The following LTBP2 variants were observed in gnomAD, a reference collection of about 807,000 sequenced individuals.
LTBP2 encodes latent transforming growth factor beta binding protein 2.
In LTBP2, 103 loss-of-function variants were observed where a neutral mutation model predicts 210.6. That is an observed-to-expected ratio of 0.49 (90% confidence interval 0.42 to 0.58). The LOEUF (loss-of-function observed/expected upper bound fraction) is 0.58. Among genes scored for constraint, LTBP2 ranks in the 20% least tolerant of loss-of-function variants. LTBP2 has a pLI of 0.00. For synonymous variants in LTBP2, 1,007 were observed against 1,015.0 expected (o/e 0.99, Z 0.15); for missense variants, 2,313 against 2,494.5 (o/e 0.93, Z 1.55).
chr14:74,611,578 T>C lies in LTBP2; in HGVS notation c.367A>G (p.Arg123Gly). ...RRVQPPAQTR[R>G]STPLGQQQPA... ...TGCTGCTGGCCCAGGGGAGTGCTTCTCCGGGTCTGCGCAGGTGGCTGGACA... is the reference window on the plus strand; with the variant it reads ...TGCTGCTGGCCCAGGGGAGTGCTTCCCCGGGTCTGCGCAGGTGGCTGGACA... The change falls in exon 1 of 36, where the codon AGA becomes GGA. Residue 123 changes from arginine to glycine, a missense_variant. Physicochemically the swap from Arg to Gly is moderately radical, Grantham distance 125. Transcript: ENST00000261978. 6.3e-7 allele frequency: 1 copy of C among 1,576,972 alleles called. No individual in the cohort carries two copies. The highest frequency in any genetic ancestry group is 8.6e-7 in the Non-Finnish European group (1 of 1,168,284).
chr14:74,571,809 G>A (rs1359066396), intron 3 of LTBP2, among the ~76,000 whole-genome samples: 13 of 152,226 alleles, frequency 8.5e-5, no homozygotes, highest in Admixed American at 8.5e-4. Flanking sequence ...GGAAAATGCA[G>A]CGTAGGCGAC....
chr14:74,499,523 T>C lies in LTBP2; in HGVS notation c.*1361A>G, dbSNP rs943660469. The C allele has an allele frequency of 4.8e-5, 11 of 229,030 alleles. No individual in the cohort carries two copies. The highest frequency in any genetic ancestry group is 2.2e-4 in the African/African-American group (10 of 45,114). The allele number at this position is 229,030 out of a possible 1,614,324, so 14.2% of individuals were successfully genotyped here. A position where few individuals can be genotyped will look rare whatever the true frequency, so the allele number is the denominator to read the frequency against. On this transcript the variant is annotated 3_prime_UTR_variant, in exon 36 of 36. Transcript: ENST00000261978. Reference sequence around the variant, plus strand: ...ATTAAATTAAGAAAGTAGCATTCACTTCCATGCTCCAGTCACATGGAGCCT... The same window carrying C: ...ATTAAATTAAGAAAGTAGCATTCACCTCCATGCTCCAGTCACATGGAGCCT...
chr14:74,568,407 C>T (rs2087931837), intron 3 of LTBP2, among the ~76,000 whole-genome samples: 1 of 152,026 alleles, frequency 6.6e-6, no homozygotes, highest in Non-Finnish European at 1.5e-5. Context: ...CTGGGGAATG[C>T]TTTCCAGAGG....
chr14:74,509,160 C>A, intron 22 of LTBP2, 78 bp downstream of exon 22: 1 of 1,605,872 alleles, frequency 6.2e-7, no homozygotes, highest in Non-Finnish European at 8.5e-7. Context: ...CTCAGCAGCC[C>A]CCCACCTGCT....
intron 3 of LTBP2, among the ~76,000 whole-genome samples, chr14:74,567,169 C>T (rs2087914618): frequency 1.3e-5 from 2 of 152,162 alleles, no homozygotes; most frequent in Non-Finnish European, 2.9e-5. Flanking sequence ...TGCCTGCAGC[C>T]CGGTCCCCCC....
chr14:74,574,328 A>G (rs2088026688), intron 3 of LTBP2, among the ~76,000 whole-genome samples: 1 of 152,166 alleles, frequency 6.6e-6, no homozygotes. Context: ...AATTCTAAGC[A>G]CACCACTAAG....
At position 74,500,703 on chromosome 14, in the gene LTBP2, A is replaced by T; in HGVS notation, c.*181T>A. The T allele has an allele frequency of 1.6e-5, 12 of 759,528 alleles. No homozygotes were observed. Among genetic ancestry groups the T allele is most frequent in the Non-Finnish European group, 2.2e-5 (10 of 448,448 alleles). 47.0% of individuals were successfully genotyped at this position (759,528 alleles called of 1,614,324 possible). A position where few individuals can be genotyped will look rare whatever the true frequency, so the allele number is the denominator to read the frequency against. ...GGTGGTGCTTGAGCCAAGCAAGGGCATGGAGGCAATGACCGAAGCTTACAG... is the reference window on the plus strand; with the variant it reads ...GGTGGTGCTTGAGCCAAGCAAGGGCTTGGAGGCAATGACCGAAGCTTACAG... On this transcript the variant is annotated 3_prime_UTR_variant, in exon 36 of 36. Coordinates refer to ENST00000261978, the MANE Select transcript of LTBP2 (RefSeq NM_000428.3).
chr14:74,532,331 G>A (rs1046941187), intron 10 of LTBP2, 95 bp downstream of exon 10: 2 of 1,559,932 alleles, frequency 1.3e-6, no homozygotes, highest in Admixed American at 1.7e-5. Flanking sequence ...GATCAGGTCT[G>A]GGGAAAATTG....
At chr14:74,535,527 C>T (rs2087409697) in intron 9 of LTBP2, among the ~76,000 whole-genome samples, 1 of 152,194 alleles carries the variant, frequency 6.6e-6, no homozygotes, top group Non-Finnish European at 1.5e-5. Context: ...CCCACAGAGG[C>T]CCCAACAACT....
rs558199716 is a variant in LTBP2 at position 74,528,229 on chromosome 14, G to A, written c.2368+254C>T. ...GCCTGATCGCTGGGGTGGGGGCTGC[G>A]GCTGATCTTTCCCACCTCCACAAGC... is the stretch of plus-strand genomic sequence containing the variant. On this transcript the variant is annotated intron_variant, in intron 12 of 35. Coordinates refer to ENST00000261978, the MANE Select transcript of LTBP2 (RefSeq NM_000428.3). 1.3e-3 allele frequency among the ~76,000 whole-genome samples: 196 copies of A among 152,286 alleles called. 1 individual carries two copies. Among genetic ancestry groups the A allele is most frequent in the African/African-American group, 4.4e-3 (182 of 41,568 alleles).
intron 3 of LTBP2, among the ~76,000 whole-genome samples, chr14:74,567,442 C>T (rs982296199): frequency 1.3e-5 from 2 of 152,190 alleles, no homozygotes; most frequent in African/African-American, 2.4e-5. Flanking sequence ...TGGGCTCACA[C>T]CCGGGCCACC....
chr14:74,528,354 C>T (rs2087302132), intron 12 of LTBP2, 129 bp downstream of exon 12: 2 of 1,083,016 alleles, frequency 1.8e-6, no homozygotes, highest in Admixed American at 3.8e-5. Context: ...GCTGCTGCTC[C>T]AAGCTCCCTT....
chr14:74,503,744 G>GA, intron 31 of LTBP2, 138 bp from the exon 32 acceptor site: 3 of 1,301,240 alleles, frequency 2.3e-6, no homozygotes, highest in South Asian at 1.3e-5. Flanking sequence ...CAGCCTGGAA[G>GA]GCCCTCCTGG....
At chr14:74,539,610 G>A (rs2087466454) in intron 8 of LTBP2, among the ~76,000 whole-genome samples, 1 of 152,174 alleles carries the variant, frequency 6.6e-6, no homozygotes, top group Admixed American at 6.5e-5. Flanking sequence ...GGGGGCTGAG[G>A]TAGGAGGATC....
At chr14:74,550,915 G>T in intron 7 of LTBP2, 149 bp downstream of exon 7, 2 of 1,010,148 alleles carry the variant, frequency 2.0e-6, no homozygotes, top group Non-Finnish European at 3.0e-6. Flanking sequence ...ACAATTTCAT[G>T]CCTTGGGTTT....
intron 18 of LTBP2, 36 bp from the exon 19 acceptor site, chr14:74,511,400 G>C: frequency 6.2e-7 from 1 of 1,613,426 alleles, no homozygotes; most frequent in Non-Finnish European, 8.5e-7. Context: ...GTCATCCCTG[G>C]GAACATAGCA....
At chr14:74,525,029 G>C in intron 15 of LTBP2, 95 bp downstream of exon 15, 1 of 607,262 alleles carries the variant, frequency 1.6e-6, no homozygotes, top group Non-Finnish European at 2.6e-6. Flanking sequence ...AGGTGAGGGG[G>C]CATTCCATTC....
At position 74,611,346 on chromosome 14, in the gene LTBP2, G is replaced by A. The variant is rs368137054; in HGVS notation, c.494+105C>T. 9 of 1,277,242 alleles carry A rather than the reference G, an allele frequency of 7.0e-6. No homozygotes were observed. In the African/African-American group the frequency reaches 1.2e-4, roughly 18 times the overall value. 79.1% of individuals were successfully genotyped at this position (1,277,242 alleles called of 1,614,324 possible). A position where few individuals can be genotyped will look rare whatever the true frequency, so the allele number is the denominator to read the frequency against. On this transcript the variant is annotated intron_variant, in intron 1 of 35. Coordinates refer to ENST00000261978, the MANE Select transcript of LTBP2 (RefSeq NM_000428.3). ...TTTCCCGAAGTACTAAAGACAGAGGGACGAGGGTATGAGAGCGGCGCCCTC... is the reference window on the plus strand; with the variant it reads ...TTTCCCGAAGTACTAAAGACAGAGGAACGAGGGTATGAGAGCGGCGCCCTC...
Position 74,500,888 on chromosome 14 carries a change from T to A in LTBP2, c.5462A>T (p.Glu1821Val). 5 of 1,614,046 alleles carry A rather than the reference T, an allele frequency of 3.1e-6. No individual in the cohort carries two copies. The highest frequency in any genetic ancestry group is 4.2e-6 in the Non-Finnish European group (5 of 1,180,014). Residue 1821 changes from glutamate to valine, a missense_variant, in exon 36 of 36, where the codon GAG becomes GTG. This residue lies in a region of LTBP2 where 443 missense variants were observed against 501.4 expected (regional missense o/e 0.88). Transcript: ENST00000261978. Reference protein sequence around the residue: ...EAGPPHCTAKE With the variant: ...EAGPPHCTAKV ...TGCCACACTGACCCCTGACTGCTAC[T>A]CCTTGGCAGTGCAGTGGGGGGGCCC...
Sources: gnomAD v4.1 joint callset for allele counts (sites outside exome capture counted in the v4.1 genomes callset) on GRCh38, gnomAD v4.1.1 for gene constraint, gnomAD v4.1.1 regional missense constraint, MANE v1.5 for transcripts, NCBI Gene and HGNC (gene_info 2026-07-23, HGNC 2026-07-21) for gene names.